Variants in KIF13B observed in about 807,000 individuals in gnomAD.
KIF13B encodes kinesin-like protein KIF13B.
Under a neutral mutation model 222.0 loss-of-function variants are expected in KIF13B, and 127 were observed. The ratio of observed to expected loss-of-function variants is 0.57; its 90% CI spans 0.50 to 0.66. The LOEUF (loss-of-function observed/expected upper bound fraction) is 0.66. Ranked by LOEUF, KIF13B falls within the 30% of genes least tolerant of loss-of-function variation. The pLI, the probability that KIF13B is intolerant of heterozygous loss-of-function variation, is 0.00. For missense variants in KIF13B, 2,173 were observed against 2,379.0 expected, an observed-to-expected ratio of 0.91 and a Z score of 1.80; for synonymous variants, 976 against 919.0, an observed-to-expected ratio of 1.06 and a Z score of -1.12.
intron 34 of KIF13B, among the ~76,000 whole-genome samples, chr8:29,109,051 G>C (rs1031254692): frequency 6.6e-6 from 1 of 152,154 alleles, no homozygotes; most frequent in African/African-American, 2.4e-5. Context: ...GTGAACAACT[G>C]GTTTGTGAAC....
chr8:29,201,423 GA>G (rs1175047120), intron 2 of KIF13B, among the ~76,000 whole-genome samples: 1 of 152,090 alleles, frequency 6.6e-6, no homozygotes, highest in Non-Finnish European at 1.5e-5. Context: ...AAAATACGAA[GA>G]AGAAATTTTA....
chr8:29,249,866 C>A, intron 1 of KIF13B: 2 of 406,190 alleles, frequency 4.9e-6, no homozygotes, highest in Non-Finnish European at 9.3e-6. Flanking sequence ...CTACCATGGT[C>A]AACTGGCATT....
intron 10 of KIF13B, among the ~76,000 whole-genome samples, chr8:29,173,836 C>A (rs56989778): frequency 0.047 from 7,132 of 150,392 alleles, 358 homozygotes; most frequent in African/African-American, 0.12. Context: ...CCCAGCTACT[C>A]GGGAGGCTGA....
chr8:29,102,075 T>C (rs991828623), intron 35 of KIF13B, among the ~76,000 whole-genome samples: 1 of 149,098 alleles, frequency 6.7e-6, no homozygotes, highest in Non-Finnish European at 1.5e-5. Flanking sequence ...TTTACTAAAA[T>C]GTTGGGGTAG....
chr8:29,241,967 T>C (rs1413755107), intron 2 of KIF13B, among the ~76,000 whole-genome samples: 2 of 152,106 alleles, frequency 1.3e-5, no homozygotes, highest in African/African-American at 4.8e-5. Context: ...TATGGGAAAA[T>C]GCACTCCATT....
chr8:29,141,160 C>G lies in KIF13B; in HGVS notation c.2335-543G>C, dbSNP rs537611652. Among the ~76,000 whole-genome samples, 8 of 152,162 alleles carry G rather than the reference C, an allele frequency of 5.3e-5. No homozygotes were observed. In the South Asian group the frequency reaches 1.7e-3, roughly 32 times the overall value. On this transcript the variant is annotated intron_variant, in intron 19 of 39. Coordinates refer to ENST00000524189, the MANE Select transcript of KIF13B (RefSeq NM_015254.4). Reference sequence around the variant, plus strand: ...ACCAGCCTGCCCAACATGGTGAAATCCCGTCTCTAATAAAAATACAAAAAT... The same window carrying G: ...ACCAGCCTGCCCAACATGGTGAAATGCCGTCTCTAATAAAAATACAAAAAT...
chr8:29,218,754 G>A (rs1475463714), intron 2 of KIF13B, among the ~76,000 whole-genome samples: 1 of 152,250 alleles, frequency 6.6e-6, no homozygotes, highest in Non-Finnish European at 1.5e-5. Flanking sequence ...ATACTCTGAT[G>A]CAACTGATGG....
intron 13 of KIF13B, among the ~76,000 whole-genome samples, chr8:29,159,142 A>C (rs775007734): frequency 1.3e-5 from 2 of 152,160 alleles, no homozygotes; most frequent in Non-Finnish European, 2.9e-5. Context: ...AAGCAAAGTA[A>C]GTAATGTGAT....
rs781631092 is a variant in KIF13B at position 29,099,116 on chromosome 8, G to A, written c.4324+17C>T. The A allele has an allele frequency of 6.4e-7, 1 of 1,562,728 alleles. No homozygotes were observed. The highest frequency in any genetic ancestry group is 1.4e-5 in the African/African-American group (1 of 74,026). On this transcript the variant is annotated intron_variant, in intron 36 of 39. Coordinates refer to ENST00000524189, the MANE Select transcript of KIF13B (RefSeq NM_015254.4). ...TCAGATTTCTGACAGTAATTGACAAGTGAAAAGATAACTTACCTGGATCTG... is the reference window on the plus strand; with the variant it reads ...TCAGATTTCTGACAGTAATTGACAAATGAAAAGATAACTTACCTGGATCTG...
chr8:29,248,784 C>CA, intron 1 of KIF13B, among the ~76,000 whole-genome samples: 1 of 152,260 alleles, frequency 6.6e-6, no homozygotes, highest in East Asian at 1.9e-4. Flanking sequence ...AGCCAGTCAT[C>CA]AAAAACCATA....
chr8:29,114,223 G>T (rs1287903319), intron 31 of KIF13B, among the ~76,000 whole-genome samples: 2 of 152,182 alleles, frequency 1.3e-5, no homozygotes, highest in East Asian at 1.9e-4. Context: ...CATGAAATGG[G>T]CACCGAGCTT....
At chr8:29,171,212 T>C (rs1812221933) in intron 10 of KIF13B, among the ~76,000 whole-genome samples, 1 of 152,214 alleles carries the variant, frequency 6.6e-6, no homozygotes, top group Non-Finnish European at 1.5e-5. Flanking sequence ...TAGATGGTTA[T>C]TCAGAGGACC....
At position 29,246,436 on chromosome 8, in the gene KIF13B, TA is replaced by T. The variant is rs200070397; in HGVS notation, c.56-998del. Among the ~76,000 whole-genome samples the T allele has an allele frequency of 4.3e-3, 595 of 139,196 alleles. 5 individuals are homozygous for T. The highest frequency in any genetic ancestry group is 0.011 in the African/African-American group (404 of 38,428). The allele number at this position is 139,196 out of a possible 152,430, so 91.3% of individuals were successfully genotyped here. On this transcript the variant is annotated intron_variant, in intron 1 of 39. Transcript: ENST00000524189. ...ATAGGTACAACTGTGATATATCAGT[TA>T]AAAAAAAAAAAACTTTTTAAAGAAA...
At position 29,081,157 on chromosome 8, in the gene KIF13B, C is replaced by T. The variant is rs533645859; in HGVS notation, c.4459-5814G>A. On this transcript the variant is annotated intron_variant, in intron 37 of 39. Coordinates refer to ENST00000524189, the MANE Select transcript of KIF13B (RefSeq NM_015254.4). Reference sequence around the variant, plus strand: ...CCACAAATACAATGACTTGGTTACTCTTAATCACTGTCAGTGAAATCTCTT... The same window carrying T: ...CCACAAATACAATGACTTGGTTACTTTTAATCACTGTCAGTGAAATCTCTT... Among the ~76,000 whole-genome samples the T allele has an allele frequency of 5.9e-5, 9 of 152,314 alleles. No individual in the cohort carries two copies. The East Asian group carries it at 1.7e-3, about 29-fold the overall frequency.
chr8:29,115,794 A>C (rs1809566992), intron 31 of KIF13B, among the ~76,000 whole-genome samples: 2 of 149,004 alleles, frequency 1.3e-5, no homozygotes, highest in African/African-American at 2.5e-5. Flanking sequence ...TGCCCTCCCC[A>C]CTCTCTCTGC....
At chr8:29,103,720 G>A (rs766762947) in intron 35 of KIF13B, among the ~76,000 whole-genome samples, 3 of 152,030 alleles carry the variant, frequency 2.0e-5, no homozygotes, top group Admixed American at 6.6e-5. Flanking sequence ...TGGAAAGCAG[G>A]CTGGCCTCAT....
intron 5 of KIF13B, 46 bp downstream of exon 5, chr8:29,188,469 C>A: frequency 8.4e-7 from 1 of 1,186,806 alleles, no homozygotes. Flanking sequence ...GTTCTATTTT[C>A]TTTCATTGAT....
intron 35 of KIF13B, among the ~76,000 whole-genome samples, chr8:29,104,126 A>G (rs755457338): frequency 2.0e-5 from 3 of 151,998 alleles, no homozygotes; most frequent in Non-Finnish European, 4.4e-5. Flanking sequence ...AGTGCACCTC[A>G]GTGGCCCTAA....
chr8:29,235,565 A>G (rs1343387145), intron 2 of KIF13B, among the ~76,000 whole-genome samples: 2 of 152,164 alleles, frequency 1.3e-5, no homozygotes, highest in Admixed American at 6.5e-5. Flanking sequence ...GCAGACCACC[A>G]AAGACCCAGG....
Sources: allele counts gnomAD v4.1 joint callset (sites outside exome capture counted in the v4.1 genomes callset), GRCh38; gene constraint gnomAD v4.1.1; transcripts MANE v1.5; gene names NCBI Gene and HGNC (gene_info 2026-07-23, HGNC 2026-07-21).